NRXN1: variants seen among roughly 807,000 people sequenced by gnomAD.
NRXN1 encodes neurexin-1.
A neutral mutation model predicts 150.9 loss-of-function variants in NRXN1; 39 were observed. The ratio of observed to expected loss-of-function variants is 0.26; its 90% CI spans 0.20 to 0.34. The LOEUF is 0.34. Among genes scored for constraint, NRXN1 ranks in the 10% least tolerant of loss-of-function variants. The pLI, the probability that NRXN1 is intolerant of heterozygous loss-of-function variation, is 1.00. For synonymous variants in NRXN1, 924 were observed against 757.0 expected, an observed-to-expected ratio of 1.22 and a Z score of -3.62; for missense variants, 1,815 against 1,949.9, an observed-to-expected ratio of 0.93 and a Z score of 1.30.
At chr2:50,309,443 C>G (rs542152506) in intron 17 of NRXN1, among the ~76,000 whole-genome samples, 1 of 152,026 alleles carries the variant, frequency 6.6e-6, no homozygotes, top group East Asian at 1.9e-4. Context: ...CTCTTAGGTC[C>G]CTTCAGTATG....
chr2:50,859,398 T>C (rs1675763942), intron 5 of NRXN1, among the ~76,000 whole-genome samples: 1 of 152,026 alleles, frequency 6.6e-6, no homozygotes, highest in African/African-American at 2.4e-5. Context: ...CACAGTACAC[T>C]GCATGATTTT....
intron 21 of NRXN1, among the ~76,000 whole-genome samples, chr2:49,999,944 G>A (rs1179872339): frequency 1.3e-5 from 2 of 152,152 alleles, no homozygotes; most frequent in African/African-American, 4.8e-5. Flanking sequence ...GAATGAAGCT[G>A]TGGAAGAAGA....
intron 8 of NRXN1, among the ~76,000 whole-genome samples, chr2:50,616,784 T>C (rs907941854): frequency 3.3e-5 from 5 of 152,310 alleles, no homozygotes; most frequent in African/African-American, 1.2e-4. Flanking sequence ...TAGAATCTCC[T>C]TCAAGACTGG....
At chr2:50,156,679 T>C (rs1003742146) in intron 18 of NRXN1, among the ~76,000 whole-genome samples, 1 of 151,970 alleles carries the variant, frequency 6.6e-6, no homozygotes, top group African/African-American at 2.4e-5. Flanking sequence ...TCACACGCCA[T>C]GTTTTAATCC....
chr2:50,534,580 A>G (rs947166300), intron 10 of NRXN1, among the ~76,000 whole-genome samples: 1 of 152,224 alleles, frequency 6.6e-6, no homozygotes, highest in African/African-American at 2.4e-5. Flanking sequence ...TAATTTTAAA[A>G]GAAATTTGAT....
intron 19 of NRXN1, among the ~76,000 whole-genome samples, chr2:50,085,848 CATTT>C (rs1238335569): frequency 6.6e-6 from 1 of 152,042 alleles, no homozygotes; most frequent in Non-Finnish European, 1.5e-5. Context: ...TAAGTAATAA[CATTT>C]AGTTATGAAG....
intron 18 of NRXN1, among the ~76,000 whole-genome samples, chr2:50,194,555 T>C (rs1009518698): frequency 1.3e-5 from 2 of 152,182 alleles, no homozygotes; most frequent in African/African-American, 2.4e-5. Context: ...AATTCATACA[T>C]GGACTAGCAT....
At chr2:50,507,235 G>C (rs2105006014) in intron 12 of NRXN1, among the ~76,000 whole-genome samples, 1 of 152,208 alleles carries the variant, frequency 6.6e-6, no homozygotes, top group South Asian at 2.1e-4. Context: ...ATGGAATGTT[G>C]AGTCTAAAAA....
At chr2:50,220,526 G>A (rs2063804024) in intron 18 of NRXN1, among the ~76,000 whole-genome samples, 1 of 151,920 alleles carries the variant, frequency 6.6e-6, no homozygotes, top group Admixed American at 6.6e-5. Flanking sequence ...TTAGATTTCA[G>A]GCTAGTATAA....
intron 18 of NRXN1, among the ~76,000 whole-genome samples, chr2:50,177,160 T>C (rs2060404892): frequency 6.6e-6 from 1 of 152,132 alleles, no homozygotes; most frequent in Middle Eastern, 3.2e-3. Context: ...TGGATATTAC[T>C]TGTGTAATAG....
chr2:50,026,908 T>G (rs1330100538), intron 21 of NRXN1, among the ~76,000 whole-genome samples: 1 of 120,168 alleles, frequency 8.3e-6, no homozygotes, highest in African/African-American at 3.1e-5. Context: ...TGAGACGGAG[T>G]CTCGTTCTGT....
chr2:50,439,537 T>C (rs7564003), intron 17 of NRXN1, among the ~76,000 whole-genome samples: 29,240 of 152,082 alleles, frequency 0.19, 4,994 homozygotes, highest in East Asian at 0.56. Flanking sequence ...CCGGGCGCGG[T>C]GGCTCACGCC....
At chr2:50,460,665 T>C (rs1268410823) in intron 17 of NRXN1, among the ~76,000 whole-genome samples, 1 of 152,090 alleles carries the variant, frequency 6.6e-6, no homozygotes, top group East Asian at 1.9e-4. Context: ...TTCTCTGTCA[T>C]ACATTATGCT....
intron 17 of NRXN1, among the ~76,000 whole-genome samples, chr2:50,252,253 C>CTTTTTTTTTTTTTTTTTTTTTT (rs2067187876): frequency 3.4e-5 from 2 of 58,862 alleles, no homozygotes; most frequent in African/African-American, 6.8e-5. Flanking sequence ...TTTCTTTTTT[C>CTTTTTTTTTTTTTTTTTTTTTT]TTTTCTTTTT....
At chr2:50,383,743 C>T (rs1325585834) in intron 17 of NRXN1, among the ~76,000 whole-genome samples, 2 of 152,132 alleles carry the variant, frequency 1.3e-5, no homozygotes, top group Non-Finnish European at 2.9e-5. Context: ...CTCTCCATAA[C>T]TGTAAAATTA....
At chr2:50,805,643 G>A (rs533857235) in intron 5 of NRXN1, among the ~76,000 whole-genome samples, 42 of 152,152 alleles carry the variant, frequency 2.8e-4, no homozygotes, top group African/African-American at 7.9e-4. Flanking sequence ...CTGTCAAAAG[G>A]ACGGAAGGAA....
In NRXN1 at chr2:49,945,491, A is replaced by C. The variant is rs534139163; in HGVS notation, c.4129-1700T>G. 5.4e-3 allele frequency among the ~76,000 whole-genome samples: 816 copies of C among 151,874 alleles called. 5 individuals carry two copies. The highest frequency in any genetic ancestry group is 7.7e-3 in the Non-Finnish European group (523 of 67,970). On this transcript the variant is annotated intron_variant, in intron 21 of 22. Transcript: ENST00000401669. ...CCATGGTGGTTTGCTGCACCCATCA[A>C]CCTGTCATCTACATTAGGTATTTCT...
intron 5 of NRXN1, among the ~76,000 whole-genome samples, chr2:50,742,686 T>C (rs1699573373): frequency 6.6e-6 from 1 of 152,064 alleles, no homozygotes; most frequent in Non-Finnish European, 1.5e-5. Context: ...ATCTCAACGT[T>C]CTAATTCATG....
At chr2:50,965,169 T>C (rs978709229) in intron 2 of NRXN1, among the ~76,000 whole-genome samples, 5 of 151,398 alleles carry the variant, frequency 3.3e-5, no homozygotes, top group African/African-American at 1.2e-4. Flanking sequence ...CATATGTATA[T>C]AGATATACGA....
Sources: allele counts gnomAD v4.1 joint callset (sites outside exome capture counted in the v4.1 genomes callset), GRCh38; gene constraint gnomAD v4.1.1; transcripts MANE v1.5; gene names NCBI Gene and HGNC (gene_info 2026-07-23, HGNC 2026-07-21).